The following SCML4 variants were observed in gnomAD, a reference collection of about 807,000 sequenced individuals.
The protein encoded by SCML4 is Scm polycomb group protein like 4.
A neutral mutation model predicts 41.1 loss-of-function variants in SCML4; 34 were observed. The ratio of observed to expected loss-of-function variants is 0.83; its 90% CI spans 0.63 to 1.10. The LOEUF (loss-of-function observed/expected upper bound fraction) is 1.10, where lower values mean the gene tolerates loss of function less well. Among genes scored for constraint, SCML4 ranks in the 50% least tolerant of loss-of-function variants. SCML4 has a pLI of 0.00. For synonymous variants in SCML4, 214 were observed against 220.9 expected (o/e 0.97, Z 0.28); for missense variants, 522 against 534.1 (o/e 0.98, Z 0.22).
chr6:107,795,152 T>C (rs368946442), intron 1 of SCML4, among the ~76,000 whole-genome samples: 1 of 152,246 alleles, frequency 6.6e-6, no homozygotes, highest in African/African-American at 2.4e-5. Flanking sequence ...AACCTTTCAA[T>C]TGGGGAAAAT....
chr6:107,783,954 G>A (rs1001920744), intron 1 of SCML4, among the ~76,000 whole-genome samples: 1 of 152,184 alleles, frequency 6.6e-6, no homozygotes, highest in Non-Finnish European at 1.5e-5. Context: ...CCTCGTTTCT[G>A]TCCTGCCACC....
chr6:107,763,605 T>C (rs1435860888), intron 2 of SCML4, among the ~76,000 whole-genome samples: 4 of 152,170 alleles, frequency 2.6e-5, no homozygotes, highest in Admixed American at 2.6e-4. Flanking sequence ...TAGGCTAGTC[T>C]CAAACTCCTG....
chr6:107,809,505 A>G (rs6932469), intron 1 of SCML4, among the ~76,000 whole-genome samples: 148,989 of 152,324 alleles, frequency 0.98, 72,956 homozygotes, highest in Non-Finnish European at 1. Context: ...ACCAAGGGGT[A>G]GATGGAGAAA....
chr6:107,755,763 G>GA lies in SCML4; in HGVS notation c.157-5951dup, dbSNP rs377345670. 2.3e-3 allele frequency: 872 copies of GA among 384,996 alleles called. 10 individuals are homozygous for GA. Among genetic ancestry groups the GA allele is most frequent in the African/African-American group, 0.014 (619 of 45,692 alleles). 23.8% of individuals were successfully genotyped at this position (384,996 alleles called of 1,614,324 possible). ...TTCTAACACCATTCTTCAATGTAAG[G>GA]AAAAAAAACTCCTTGCAGACATGGC... On this transcript the variant is annotated intron_variant, in intron 2 of 7. Coordinates refer to ENST00000369020, the MANE Select transcript of SCML4 (RefSeq NM_198081.5).
At chr6:107,763,290 T>C (rs1375462706) in intron 2 of SCML4, among the ~76,000 whole-genome samples, 1 of 152,084 alleles carries the variant, frequency 6.6e-6, no homozygotes, top group African/African-American at 2.4e-5. Context: ...TAACACCCAA[T>C]GTGAAGGTAG....
intron 1 of SCML4, 67 bp from the exon 2 acceptor site, chr6:107,772,453 ATG>A: frequency 2.2e-6 from 2 of 905,470 alleles, no homozygotes; most frequent in Non-Finnish European, 3.2e-6. Flanking sequence ...CAAGGCAAAC[ATG>A]ATCCTGTCTG....
At chr6:107,806,672 G>C (rs1783754201) in intron 1 of SCML4, among the ~76,000 whole-genome samples, 1 of 152,176 alleles carries the variant, frequency 6.6e-6, no homozygotes, top group Non-Finnish European at 1.5e-5. Flanking sequence ...ACCCAACCTT[G>C]CATTGGGCCC....
At chr6:107,810,701 A>T (rs1271096095) in intron 1 of SCML4, among the ~76,000 whole-genome samples, 2 of 152,242 alleles carry the variant, frequency 1.3e-5, no homozygotes, top group Non-Finnish European at 2.9e-5. Context: ...TTAAACTGTC[A>T]GATGAAATCT....
intron 2 of SCML4, among the ~76,000 whole-genome samples, chr6:107,750,589 T>C (rs1562217332): frequency 6.6e-6 from 1 of 152,212 alleles, no homozygotes; most frequent in Non-Finnish European, 1.5e-5. Context: ...CTCTGACCTA[T>C]ATCTAGACCT....
intron 5 of SCML4, among the ~76,000 whole-genome samples, chr6:107,727,090 C>G (rs1776059910): frequency 6.6e-6 from 1 of 152,158 alleles, no homozygotes; most frequent in Non-Finnish European, 1.5e-5. Context: ...GAATGAAGTA[C>G]TGATATCTGT....
chr6:107,750,889 CAT>C (rs1267842114), intron 2 of SCML4, among the ~76,000 whole-genome samples: 2 of 152,188 alleles, frequency 1.3e-5, no homozygotes, highest in Non-Finnish European at 2.9e-5. Context: ...CTATTGTTAA[CAT>C]GTGTGCAGTC....
intron 5 of SCML4, among the ~76,000 whole-genome samples, chr6:107,735,699 T>C (rs1054046960): frequency 6.6e-6 from 1 of 151,308 alleles, no homozygotes; most frequent in Non-Finnish European, 1.5e-5. Flanking sequence ...CTTGGGAGGC[T>C]AAGGCAGGAG....
chr6:107,769,531 A>C (rs1001591431), intron 2 of SCML4, among the ~76,000 whole-genome samples: 2 of 152,250 alleles, frequency 1.3e-5, no homozygotes, highest in African/African-American at 4.8e-5. Context: ...GTCAACCAGC[A>C]TAGACTTGTT....
intron 6 of SCML4, among the ~76,000 whole-genome samples, chr6:107,711,421 C>G (rs1204953854): frequency 1.3e-5 from 2 of 152,200 alleles, no homozygotes; most frequent in African/African-American, 4.8e-5. Context: ...CTCCAGTATT[C>G]AGTACAGTAA....
chr6:107,712,852 A>G (rs1774363159), intron 6 of SCML4, among the ~76,000 whole-genome samples: 1 of 152,222 alleles, frequency 6.6e-6, no homozygotes, highest in Non-Finnish European at 1.5e-5. Flanking sequence ...TGCAGCAGGC[A>G]GATGTGATAG....
chr6:107,802,835 A>G (rs904458897), intron 1 of SCML4, among the ~76,000 whole-genome samples: 2 of 149,952 alleles, frequency 1.3e-5, no homozygotes, highest in African/African-American at 2.5e-5. Flanking sequence ...GCTCACTGCA[A>G]CCTCCCTGCC....
intron 1 of SCML4, among the ~76,000 whole-genome samples, chr6:107,805,574 G>T (rs1298575896): frequency 6.6e-6 from 1 of 152,108 alleles, no homozygotes; most frequent in Non-Finnish European, 1.5e-5. Flanking sequence ...GATTTTATGG[G>T]CCCTGGTGTT....
chr6:107,705,429 G>T, intron 7 of SCML4, 104 bp from the exon 8 acceptor site: 1 of 1,060,302 alleles, frequency 9.4e-7, no homozygotes, highest in Non-Finnish European at 1.4e-6. Context: ...CAGGGCATAT[G>T]GATTGATTTA....
intron 3 of SCML4, among the ~76,000 whole-genome samples, chr6:107,749,341 G>A (rs1303645987): frequency 2.0e-5 from 3 of 152,038 alleles, no homozygotes; most frequent in Non-Finnish European, 4.4e-5. Context: ...CACTGTTTAA[G>A]GTGAGCAGGC....
Sources: allele counts gnomAD v4.1 joint callset (sites outside exome capture counted in the v4.1 genomes callset), GRCh38; gene constraint gnomAD v4.1.1; transcripts MANE v1.5; gene names NCBI Gene and HGNC (gene_info 2026-07-23, HGNC 2026-07-21).